The following TOMM34 variants were observed in gnomAD, a reference collection of about 807,000 sequenced individuals.
TOMM34 encodes mitochondrial import receptor subunit TOM34.
TOMM34 carries 24 observed loss-of-function variants against 37.4 expected under a neutral mutation model. That is an observed-to-expected ratio of 0.64 (90% CI 0.46 to 0.90). The LOEUF (loss-of-function observed/expected upper bound fraction) is 0.90. TOMM34 is among the 40% of genes least tolerant of loss of function. The probability of loss-of-function intolerance (pLI) is 0.00; values close to 1 mark genes in which losing one functional copy is unlikely to be tolerated. For missense variants in TOMM34, 304 were observed against 375.6 expected (o/e 0.81, Z 1.58); for synonymous variants, 154 against 148.9 (o/e 1.03, Z -0.25).
At position 44,951,853 on chromosome 20, in the gene TOMM34, G is replaced by A; in HGVS notation, c.530C>T (p.Thr177Ile). 6.2e-7 allele frequency: 1 copy of A among 1,614,056 alleles called. No homozygotes were observed. The stretch of plus-strand genomic sequence containing the variant: ...CTCACCTCTGTTCTTTGTAGCTGTG[G>A]TTTCTTTGGATTTGCTTTTAGCCAT... Reference protein sequence around the residue: ...KEMAKSKSKETTATKNRVPSA... With the variant: ...KEMAKSKSKEITATKNRVPSA... The change falls in exon 4 of 7, where the codon ACC (threonine) becomes ATC (isoleucine). Residue 177 changes from threonine to isoleucine, a missense_variant. Thr to Ile is a moderately conservative substitution (Grantham distance 89). Coordinates refer to ENST00000372813, the MANE Select transcript of TOMM34 (RefSeq NM_006809.5).
rs1238901204 is a variant in TOMM34, at chr20:44,955,125, T to C, written c.323A>G (p.Tyr108Cys). The C allele has an allele frequency of 1.2e-6, 2 of 1,614,094 alleles. No homozygotes were observed. Among genetic ancestry groups the C allele is most frequent in the African/African-American group, 1.3e-5 (1 of 74,940 alleles). ...ATCATCAATCTGCAGCACAGTCTTA[T>C]AGTCAACATAGGCCATAGGGTACTT... ...LEKYPMAYVD[Y>C]KTVLQIDDNV... is the part of the protein sequence containing the mutation. Residue 108 changes from tyrosine (Y) to cysteine (C), a missense_variant, in exon 3 of 7, where the codon TAT (tyrosine) becomes TGT (cysteine). Physicochemically the swap from Tyr to Cys is radical, Grantham distance 194. Coordinates refer to ENST00000372813, the MANE Select transcript of TOMM34 (RefSeq NM_006809.5).
chr20:44,958,407 T>G (rs1342655646), intron 1 of TOMM34: 1 of 471,490 alleles, frequency 2.1e-6, no homozygotes, highest in Non-Finnish European at 4.4e-6. Flanking sequence ...ACCCAAAACC[T>G]GTAATCCATC....
chr20:44,953,673 T>C (rs2067045937), intron 3 of TOMM34, among the ~76,000 whole-genome samples: 1 of 152,162 alleles, frequency 6.6e-6, no homozygotes, highest in Admixed American at 6.5e-5. Flanking sequence ...ATGTCAATAA[T>C]CTGAGTGTCT....
Position 44,948,891 on chromosome 20 carries a change from C to A in TOMM34, c.551-14G>T. 6.2e-7 allele frequency: 1 copy of A among 1,612,782 alleles called. No homozygotes were observed. The highest frequency in any genetic ancestry group is 8.5e-7 in the Non-Finnish European group (1 of 1,179,670). On this transcript the variant is annotated splice_polypyrimidine_tract_variant and intron_variant, in intron 4 of 6. Transcript: ENST00000372813. Reference sequence around the variant, plus strand: ...CAGCAGAAGGCACTAGATACAAATTCAGAAGAGGAAAAAAACCATGGAGCA... The same window carrying A: ...CAGCAGAAGGCACTAGATACAAATTAAGAAGAGGAAAAAAACCATGGAGCA...
chr20:44,955,128 T>C lies in TOMM34; in HGVS notation c.320A>G (p.Asp107Gly). ...ALEKYPMAYV[D>G]YKTVLQIDDN... Reference sequence around the variant, plus strand: ...ATCAATCTGCAGCACAGTCTTATAGTCAACATAGGCCATAGGGTACTTCTC... The same window carrying C: ...ATCAATCTGCAGCACAGTCTTATAGCCAACATAGGCCATAGGGTACTTCTC... The change falls in exon 3 of 7, where the codon GAC (aspartate) becomes GGC (glycine). Residue 107 changes from aspartate (D) to glycine (G), a missense_variant. Asp to Gly is a moderately conservative substitution (Grantham distance 94). Coordinates refer to ENST00000372813, the MANE Select transcript of TOMM34 (RefSeq NM_006809.5). 1 of 1,614,150 alleles carries C rather than the reference T, an allele frequency of 6.2e-7. No individual in the cohort carries two copies. Among genetic ancestry groups the C allele is most frequent in the Non-Finnish European group, 8.5e-7 (1 of 1,180,022 alleles).
intron 5 of TOMM34, among the ~76,000 whole-genome samples, chr20:44,947,294 A>G (rs752527471): frequency 6.6e-6 from 1 of 152,196 alleles, no homozygotes; most frequent in African/African-American, 2.4e-5. Flanking sequence ...AAGCTTTAAA[A>G]CTACAAGTTC....
intron 5 of TOMM34, among the ~76,000 whole-genome samples, chr20:44,944,786 A>G (rs749940043): frequency 3.9e-5 from 6 of 152,208 alleles, no homozygotes; most frequent in South Asian, 2.1e-4. Flanking sequence ...TTTTCCTACA[A>G]CTGTACCAAC....
chr20:44,956,244 C>G lies in TOMM34; in HGVS notation c.227+142G>C, dbSNP rs898279432. 4.3e-5 allele frequency: 35 copies of G among 809,282 alleles called. No homozygotes were observed. In the African/African-American group the frequency reaches 4.6e-4, roughly 11 times the overall value. 50.1% of individuals were successfully genotyped at this position (809,282 alleles called of 1,614,324 possible). On this transcript the variant is annotated intron_variant, in intron 2 of 6. Coordinates refer to ENST00000372813, the MANE Select transcript of TOMM34 (RefSeq NM_006809.5). ...AAATAAAGACTCCCATTCTCAGTGA[C>G]CTGGTGAAACTCAGTGACACTTTCT... is the stretch of plus-strand genomic sequence containing the variant.
Position 44,942,217 on chromosome 20 carries a change from T to C in TOMM34, c.*892A>G, listed in dbSNP as rs986450521. ...GGCATAAATGAAAGCACAGCAGATA[T>C]TGATGTAGAAGAAAGCTTTTTAATG... On this transcript the variant is annotated 3_prime_UTR_variant, in exon 7 of 7. Coordinates refer to ENST00000372813, the MANE Select transcript of TOMM34 (RefSeq NM_006809.5). 10 of 152,312 alleles carry C rather than the reference T, an allele frequency of 6.6e-5. No homozygotes were observed. Among genetic ancestry groups the C allele is most frequent in the South Asian group, 2.1e-4 (1 of 4,824 alleles). The allele number at this position is 152,312 out of a possible 1,614,324, so 9.4% of individuals were successfully genotyped here. A position where few individuals can be genotyped will look rare whatever the true frequency, so the allele number is the denominator to read the frequency against.
rs1184810021 is a variant in TOMM34, at chr20:44,952,019, G to A, written c.381-17C>T. 1.3e-6 allele frequency: 2 copies of A among 1,599,988 alleles called. No individual in the cohort carries two copies. Among genetic ancestry groups the A allele is most frequent in the African/African-American group, 1.3e-5 (1 of 74,232 alleles). ...CTGGTCATTCTGGAAAAGAAGGCAG[G>A]ATTGCAGGGAGGTTTCCAGCTGGGT... On this transcript the variant is annotated splice_polypyrimidine_tract_variant and intron_variant, in intron 3 of 6. Coordinates refer to ENST00000372813, the MANE Select transcript of TOMM34 (RefSeq NM_006809.5).
chr20:44,960,297 G>T lies in TOMM34; in HGVS notation c.37C>A (p.Arg13Ser). The T allele has an allele frequency of 6.3e-7, 1 of 1,585,290 alleles. No homozygotes were observed. Among genetic ancestry groups the T allele is most frequent in the South Asian group, 1.2e-5 (1 of 86,928 alleles). ...CGGAAACTCTCATTGCCGGCGGCGC[G>T]GAGCTCCTCCACAGAGTCTGGGAAT... The part of the protein sequence containing the change: ...PKFPDSVEEL[R>S]AAGNESFRNG... Residue 13 changes from arginine to serine, a missense_variant, in exon 1 of 7, where the codon CGC becomes AGC. By Grantham distance (110) the Arg-to-Ser change is moderately radical. Coordinates refer to ENST00000372813, the MANE Select transcript of TOMM34 (RefSeq NM_006809.5).
chr20:44,947,969 G>C (rs1287934209), intron 5 of TOMM34, among the ~76,000 whole-genome samples: 1 of 152,178 alleles, frequency 6.6e-6, no homozygotes, highest in African/African-American at 2.4e-5. Flanking sequence ...ATGGTCTCTT[G>C]CTGAATGTTT....
At chr20:44,955,654 C>G (rs1379595941) in intron 2 of TOMM34, 4 of 457,356 alleles carry the variant, frequency 8.7e-6, no homozygotes, top group South Asian at 3.1e-5. Context: ...CCTCAGCAAC[C>G]AAGTTCTGGC....
At position 44,949,380 on chromosome 20, in the gene TOMM34, T is replaced by C. The variant is rs116565090; in HGVS notation, c.551-503A>G. Among the ~76,000 whole-genome samples, 825 of 152,328 alleles carry C rather than the reference T, an allele frequency of 5.4e-3. 5 individuals are homozygous for C. The highest frequency in any genetic ancestry group is 0.019 in the African/African-American group (783 of 41,566). ...ACAAATATCTGGTAAAGAAAAGGTA[T>C]AGCTTCTGGGCTATGAGAAAAGGGG... is the stretch of plus-strand genomic sequence containing the variant. On this transcript the variant is annotated intron_variant, in intron 4 of 6. Transcript: ENST00000372813.
chr20:44,943,379 C>T (rs1487764331), intron 6 of TOMM34, 74 bp downstream of exon 6: 3 of 1,608,198 alleles, frequency 1.9e-6, no homozygotes, highest in Non-Finnish European at 2.5e-6. Flanking sequence ...AGCTTGGCTA[C>T]ACCCTGTAAA....
At position 44,958,148 on chromosome 20, in the gene TOMM34, G is replaced by GTATATATA. The variant is rs1157280906; in HGVS notation, c.128-1664_128-1663insTATATATA. 1.5e-4 allele frequency among the ~76,000 whole-genome samples: 11 copies of GTATATATA among 75,606 alleles called. No homozygotes were observed. In the East Asian group the frequency reaches 4.3e-3, roughly 30 times the overall value. 49.6% of individuals were successfully genotyped at this position (75,606 alleles called of 152,430 possible). On this transcript the variant is annotated intron_variant, in intron 1 of 6. Coordinates refer to ENST00000372813, the MANE Select transcript of TOMM34 (RefSeq NM_006809.5). ...TATATATGTATATGTATATATATGTGTGTGTGTGTGTGTGTGTTAACAGGA... is the reference window on the plus strand; with the variant it reads ...TATATATGTATATGTATATATATGTGTATATATATGTGTGTGTGTGTGTGTTAACAGGA...
chr20:44,950,524 G>A (rs916574965), intron 4 of TOMM34, among the ~76,000 whole-genome samples: 1 of 152,168 alleles, frequency 6.6e-6, no homozygotes, highest in African/African-American at 2.4e-5. Flanking sequence ...CACATGGCTT[G>A]GAACACATGG....
rs2067059347 is a variant in TOMM34 at position 44,955,081 on chromosome 20, C to A, written c.367G>T (p.Glu123Ter). The A allele has an allele frequency of 1.2e-6, 2 of 1,614,036 alleles. No individual in the cohort carries two copies. Among genetic ancestry groups the A allele is most frequent in the African/African-American group, 2.7e-5 (2 of 74,946 alleles). Residue 123 changes from glutamate (E) to a stop codon, truncating the protein, a stop_gained, in exon 3 of 7, where the codon GAA (glutamate) becomes TAA (stop). Transcript: ENST00000372813. LOFTEE classifies it high-confidence loss of function. ...QIDDNVTSAVEGINRMTRALM... is the reference protein window; with the variant it reads ...QIDDNVTSAV ...AATGGAGCTCACCTGTTGATGCCTT[C>A]TACGGCTGACGTCACATTATCATCA...
intron 3 of TOMM34, 107 bp downstream of exon 3, chr20:44,954,961 G>A (rs1009275729): frequency 2.1e-6 from 3 of 1,403,812 alleles, no homozygotes; most frequent in Non-Finnish European, 2.9e-6. Context: ...AGTTTTTTAA[G>A]TGTAGCCAAA....
Sources: allele counts gnomAD v4.1 joint callset (sites outside exome capture counted in the v4.1 genomes callset), GRCh38; gene constraint gnomAD v4.1.1; transcripts MANE v1.5; gene names NCBI Gene and HGNC (gene_info 2026-07-23, HGNC 2026-07-21).